Variants in LINC00632 observed in about 807,000 individuals in gnomAD.
LINC00632 encodes the protein ALDOA related specific transcript.
intron 3 of LINC00632, among the ~76,000 whole-genome samples, chrX:140,737,754 A>C (rs1410912866): frequency 1.8e-5 from 2 of 111,774 alleles, no homozygotes; most frequent in Admixed American, 9.6e-5. Flanking sequence ...ATTTTACTTA[A>C]GATAATGACT....
At chrX:140,768,543 ATATATATACTATATTATATATTTAT>A (rs1281509105) in intron 3 of LINC00632, among the ~76,000 whole-genome samples, 8 of 100,776 alleles carry the variant, frequency 7.9e-5, no homozygotes, top group African/African-American at 2.9e-4. Context: ...AACACATATA[ATATATATACTATATTATATATTTAT>A]TATATATACT....
chrX:140,719,180 A>G (rs1002623097), intron 2 of LINC00632, among the ~76,000 whole-genome samples: 6 of 112,112 alleles, frequency 5.4e-5, no homozygotes, highest in African/African-American at 1.9e-4. Flanking sequence ...CACAAATTAA[A>G]ATATTTCAGA....
intron 2 of LINC00632, among the ~76,000 whole-genome samples, chrX:140,716,810 C>CACACACAG (rs1224043470): frequency 2.7e-5 from 3 of 109,616 alleles, no homozygotes; most frequent in African/African-American, 1.0e-4. Context: ...CACACACACA[C>CACACACAG]ACACAGACAC....
intron 3 of LINC00632, among the ~76,000 whole-genome samples, chrX:140,761,688 C>T (rs1349305378): frequency 8.9e-6 from 1 of 112,457 alleles, no homozygotes; most frequent in Non-Finnish European, 1.9e-5. Context: ...ATTTATGTGT[C>T]GTGCATCATA....
At chrX:140,776,048 T>C (rs995552666) in exon 5 of LINC00632, among the ~76,000 whole-genome samples, 1 of 111,817 alleles carries the variant, frequency 8.9e-6, no homozygotes, top group Non-Finnish European at 1.9e-5. Flanking sequence ...AGGTCTAATA[T>C]CCAGAATCTG....
intron 3 of LINC00632, among the ~76,000 whole-genome samples, chrX:140,762,242 A>AGAGAGC (rs1286418753): frequency 1.3e-4 from 13 of 99,820 alleles, no homozygotes; most frequent in Admixed American, 6.6e-4. Context: ...AGAGAGAGAG[A>AGAGAGC]GCACTCTTAT....
chrX:140,770,493 C>T lies in LINC00632; in HGVS notation n.192-1585C>T, dbSNP rs745811040. On this transcript the variant is annotated intron_variant and non_coding_transcript_variant, in intron 3 of 4. Transcript: ENST00000648200. ...AGGCAGTTGCAGTGAGCCAAGATCA[C>T]GCCACTGCACTCCAGCCTGGGCGAC... Among the ~76,000 whole-genome samples the T allele has an allele frequency of 1.6e-3, 184 of 112,053 alleles. 2 individuals are homozygous for T. The highest frequency in any genetic ancestry group is 5.5e-3 in the African/African-American group (171 of 30,887).
chrX:140,712,857 GAA>G (rs759355577), intron 2 of LINC00632, among the ~76,000 whole-genome samples: 1 of 98,786 alleles, frequency 1.0e-5, no homozygotes, highest in African/African-American at 3.6e-5. Flanking sequence ...TTCTGGGGGG[GAA>G]AAAAAAGGGC....
intron 2 of LINC00632, among the ~76,000 whole-genome samples, chrX:140,726,036 C>T (rs1194446315): frequency 2.7e-5 from 3 of 111,089 alleles, no homozygotes; most frequent in Non-Finnish European, 5.7e-5. Flanking sequence ...ACAGACATGT[C>T]CTACAATACA....
intron 2 of LINC00632, among the ~76,000 whole-genome samples, chrX:140,723,555 A>G (rs377386539): frequency 0.023 from 4 of 174 alleles, no homozygotes; most frequent in Non-Finnish European, 0.023. Context: ...CCATACACAT[A>G]CACAGACACA....
At chrX:140,748,173 T>C (rs1375121740) in intron 3 of LINC00632, among the ~76,000 whole-genome samples, 1 of 111,767 alleles carries the variant, frequency 8.9e-6, no homozygotes, top group Non-Finnish European at 1.9e-5. Context: ...GATGACAACA[T>C]CTTATGCAGT....
At chrX:140,760,563 GAGTT>G (rs1931580843) in intron 3 of LINC00632, among the ~76,000 whole-genome samples, 2 of 111,534 alleles carry the variant, frequency 1.8e-5, no homozygotes, top group African/African-American at 6.5e-5. Flanking sequence ...CTGAGGACAG[GAGTT>G]CAAGACTAGC....
At chrX:140,766,773 G>A (rs1184391284) in intron 3 of LINC00632, among the ~76,000 whole-genome samples, 1 of 112,205 alleles carries the variant, frequency 8.9e-6, no homozygotes, top group Non-Finnish European at 1.9e-5. Context: ...ATGATTCTGA[G>A]TAGGATTAGA....
At chrX:140,785,315 A>T (rs960057981) in exon 5 of LINC00632, among the ~76,000 whole-genome samples, 4 of 111,693 alleles carry the variant, frequency 3.6e-5, no homozygotes, top group Non-Finnish European at 7.5e-5. Flanking sequence ...AACCCATTGA[A>T]GCTAGGTACC....
At chrX:140,767,595 C>T (rs1416843222) in intron 3 of LINC00632, among the ~76,000 whole-genome samples, 1 of 112,092 alleles carries the variant, frequency 8.9e-6, no homozygotes, top group Non-Finnish European at 1.9e-5. Flanking sequence ...CTCTTTGTCT[C>T]TTACTCAGAG....
At chrX:140,717,557 A>C (rs1192500771) in intron 2 of LINC00632, among the ~76,000 whole-genome samples, 2 of 110,733 alleles carry the variant, frequency 1.8e-5, no homozygotes, top group Non-Finnish European at 3.8e-5. Context: ...GACTCCCACA[A>C]AGCAAACCCA....
intron 2 of LINC00632, among the ~76,000 whole-genome samples, chrX:140,723,996 A>G (rs1930836953): frequency 9.1e-6 from 1 of 109,505 alleles, no homozygotes; most frequent in African/African-American, 3.3e-5. Flanking sequence ...TTCCATACAC[A>G]GACACACACC....
At chrX:140,787,301 A>G (rs1932032442) in exon 5 of LINC00632, among the ~76,000 whole-genome samples, 1 of 111,744 alleles carries the variant, frequency 8.9e-6, no homozygotes, top group African/African-American at 3.2e-5. Context: ...TCATACTGCA[A>G]TTTAACCTAT....
exon 5 of LINC00632, among the ~76,000 whole-genome samples, chrX:140,786,248 A>G (rs1569358373): frequency 8.9e-6 from 1 of 112,429 alleles, no homozygotes; most frequent in Non-Finnish European, 1.9e-5. Context: ...CACCTCATTC[A>G]TTCAACAAAT....
Sources: allele counts gnomAD v4.1 joint callset (sites outside exome capture counted in the v4.1 genomes callset), GRCh38; gene constraint gnomAD v4.1.1; transcripts MANE v1.5; gene names NCBI Gene and HGNC (gene_info 2026-07-23, HGNC 2026-07-21).